SFXN5: variants seen among roughly 807,000 people sequenced by gnomAD.
SFXN5 encodes sideroflexin-5.
In SFXN5, 43 loss-of-function variants were observed where a neutral mutation model predicts 50.2. The observed-to-expected ratio is 0.86, with a 90% CI of 0.67 to 1.11. SFXN5 has a LOEUF of 1.11. Ranked by LOEUF, SFXN5 falls within the 50% of genes least tolerant of loss-of-function variation. The pLI, the probability that SFXN5 is intolerant of heterozygous loss-of-function variation, is 0.00. For synonymous variants in SFXN5, 203 were observed against 185.8 expected (o/e 1.09, Z -0.75); for missense variants, 463 against 454.1 (o/e 1.02, Z -0.18).
chr2:72,958,716 C>T (rs1673374075), intron 13 of SFXN5, among the ~76,000 whole-genome samples: 2 of 151,454 alleles, frequency 1.3e-5, no homozygotes, highest in Non-Finnish European at 2.9e-5. Flanking sequence ...CTTCCCTCTT[C>T]AGGGCTACTA....
intron 3 of SFXN5, among the ~76,000 whole-genome samples, chr2:73,038,186 A>T (rs1051142817): frequency 2.0e-5 from 3 of 152,252 alleles, no homozygotes; most frequent in Non-Finnish European, 4.4e-5. Context: ...CCTGGTTACA[A>T]GCCTGGGTAG....
At chr2:72,955,294 C>T (rs1477770481) in intron 13 of SFXN5, among the ~76,000 whole-genome samples, 7 of 152,238 alleles carry the variant, frequency 4.6e-5, no homozygotes, top group South Asian at 2.1e-4. Context: ...GCCGCCCGCC[C>T]GTTCACGCAG....
At chr2:72,958,137 T>A (rs1306831181) in intron 13 of SFXN5, among the ~76,000 whole-genome samples, 1 of 152,040 alleles carries the variant, frequency 6.6e-6, no homozygotes, top group African/African-American at 2.4e-5. Context: ...GGTAGGCATC[T>A]CCCCATTATA....
intron 6 of SFXN5, chr2:73,019,678 T>G (rs1461716907): frequency 3.9e-5 from 6 of 153,042 alleles, no homozygotes; most frequent in Non-Finnish European, 8.7e-5. Flanking sequence ...TCTGCCTGCC[T>G]TGGCCTCCCA....
At chr2:73,029,057 G>A (rs1170899014) in intron 3 of SFXN5, among the ~76,000 whole-genome samples, 2 of 152,196 alleles carry the variant, frequency 1.3e-5, no homozygotes, top group African/African-American at 4.8e-5. Context: ...GCAGTCAAGT[G>A]GCCTCCTGGG....
At chr2:72,955,246 T>G (rs1485778379) in intron 13 of SFXN5, among the ~76,000 whole-genome samples, 3 of 150,488 alleles carry the variant, frequency 2.0e-5, no homozygotes, top group Middle Eastern at 3.4e-3. Context: ...TGCTCCTAAT[T>G]AGTTCCCTGT....
At chr2:73,061,252 G>A (rs182102101) in intron 1 of SFXN5, among the ~76,000 whole-genome samples, 1 of 149,880 alleles carries the variant, frequency 6.7e-6, no homozygotes, top group African/African-American at 2.5e-5. Context: ...AGGTTGCAGC[G>A]AGCAGAGATC....
chr2:72,992,611 C>T lies in SFXN5; in HGVS notation c.535-4263G>A, dbSNP rs1672729803. Reference sequence around the variant, plus strand: ...ACCTCACAGCGTTCTGGGCAGGAGCCTCCTGGGGCCCACGTGTAACCATGG... The same window carrying T: ...ACCTCACAGCGTTCTGGGCAGGAGCTTCCTGGGGCCCACGTGTAACCATGG... On this transcript the variant is annotated intron_variant, in intron 9 of 13. Coordinates refer to ENST00000272433, the MANE Select transcript of SFXN5 (RefSeq NM_144579.3). This position sits in a 1 kb window ranked among gnomAD's most constrained non-coding sequence, Gnocchi z 4.5. 6.6e-6 allele frequency among the ~76,000 whole-genome samples: 1 copy of T among 152,246 alleles called. No individual in the cohort carries two copies. Among genetic ancestry groups the T allele is most frequent in the Non-Finnish European group, 1.5e-5 (1 of 68,050 alleles).
At chr2:73,004,315 G>GCACACACACACACA (rs59114781) in intron 6 of SFXN5, among the ~76,000 whole-genome samples, 17 of 115,554 alleles carry the variant, frequency 1.5e-4, no homozygotes, top group African/African-American at 4.1e-4. Context: ...GAGTGCGCGC[G>GCACACACACACACA]CACACACACA....
chr2:73,055,578 G>A (rs1361521688), intron 2 of SFXN5, among the ~76,000 whole-genome samples: 1 of 151,250 alleles, frequency 6.6e-6, no homozygotes, highest in African/African-American at 2.4e-5. Flanking sequence ...GAGAGGGGTG[G>A]ATTTCTTTTT....
intron 1 of SFXN5, chr2:73,071,302 G>A (rs1683584868): frequency 2.4e-6 from 1 of 410,988 alleles, no homozygotes; most frequent in Non-Finnish European, 4.4e-6. Flanking sequence ...CGGGCGCTCG[G>A]GACCTTGACC....
intron 9 of SFXN5, among the ~76,000 whole-genome samples, chr2:72,993,350 C>A (rs1374113606): frequency 2.0e-5 from 3 of 152,196 alleles, no homozygotes; most frequent in Non-Finnish European, 4.4e-5. Context: ...AGCCAGCCTG[C>A]CGCTTGGCAA....
intron 10 of SFXN5, among the ~76,000 whole-genome samples, chr2:72,975,432 G>A (rs895457185): frequency 2.0e-5 from 3 of 152,182 alleles, no homozygotes; most frequent in Admixed American, 6.5e-5. Flanking sequence ...TTAATTGGTA[G>A]TAAAGCAGTT....
chr2:72,966,593 G>A (rs1245504464), intron 12 of SFXN5, among the ~76,000 whole-genome samples: 1 of 152,166 alleles, frequency 6.6e-6, no homozygotes, highest in Non-Finnish European at 1.5e-5. Context: ...CTTCTAGGGT[G>A]AGAGAGGGCT....
intron 10 of SFXN5, 107 bp downstream of exon 10, chr2:72,988,151 C>A (rs1048621086): frequency 4.5e-5 from 43 of 960,758 alleles, no homozygotes; most frequent in Non-Finnish European, 6.3e-5. Context: ...CAGCTGGGTG[C>A]CCCCTGGGCA....
At chr2:72,959,980 T>C (rs1673526095) in intron 13 of SFXN5, among the ~76,000 whole-genome samples, 1 of 152,130 alleles carries the variant, frequency 6.6e-6, no homozygotes. Flanking sequence ...TGTAATCTCA[T>C]GGAGTGTGAC....
In SFXN5 at chr2:72,960,808, T is replaced by G. The variant is rs1404151300; in HGVS notation, c.945+323A>C. 6.6e-6 allele frequency among the ~76,000 whole-genome samples: 1 copy of G among 152,132 alleles called. No individual in the cohort carries two copies. The highest frequency in any genetic ancestry group is 1.9e-4 in the East Asian group (1 of 5,186). On this transcript the variant is annotated intron_variant, in intron 13 of 13. Transcript: ENST00000272433. The surrounding 1 kb of genome is among the most constrained non-coding windows in gnomAD (Gnocchi z 6.1). ...CATCTCCCCCCGCCACCCCTTTTCA[T>G]CTGGCCAACTCCAGCCACGCTCCCA...
intron 2 of SFXN5, among the ~76,000 whole-genome samples, chr2:73,051,680 C>T (rs1681351586): frequency 6.6e-6 from 1 of 152,188 alleles, no homozygotes; most frequent in Non-Finnish European, 1.5e-5. Flanking sequence ...CTGTTGTAGT[C>T]CGTCTGTGCT....
intron 3 of SFXN5, among the ~76,000 whole-genome samples, chr2:73,037,451 A>G (rs1679129567): frequency 6.6e-6 from 1 of 152,204 alleles, no homozygotes. Context: ...TATTTGACTA[A>G]CAGAAGTTCC....
Sources: allele counts gnomAD v4.1 joint callset (sites outside exome capture counted in the v4.1 genomes callset), GRCh38; gene constraint gnomAD v4.1.1; non-coding constraint Gnocchi (gnomAD v3.1); transcripts MANE v1.5; gene names NCBI Gene and HGNC (gene_info 2026-07-23, HGNC 2026-07-21).